SLC11A2: variants seen among roughly 807,000 people sequenced by gnomAD.
SLC11A2 encodes the protein solute carrier family 11 member 2, also known as natural resistance-associated macrophage protein 2.
In SLC11A2, 38 loss-of-function variants were observed where a neutral mutation model predicts 68.0. The observed-to-expected ratio is 0.56, with a 90% CI of 0.43 to 0.73. SLC11A2 has a LOEUF of 0.73. Ranked by LOEUF, SLC11A2 falls within the 30% of genes least tolerant of loss-of-function variation. The pLI, the probability that SLC11A2 is intolerant of heterozygous loss-of-function variation, is 0.00. For missense variants in SLC11A2, 517 were observed against 690.5 expected (o/e 0.75, Z 2.82); for synonymous variants, 242 against 250.6 (o/e 0.97, Z 0.32).
chr12:50,954,074 TC>T, the SLC11A2 span: 2 of 1,607,546 alleles, frequency 1.2e-6, no homozygotes, highest in Non-Finnish European at 1.7e-6. Context: ...ATCTAGAGAC[TC>T]CCCCTTTGTC....
At chr12:51,013,885 G>A (rs796543510) in intron 1 of SLC11A2, among the ~76,000 whole-genome samples, 2 of 151,854 alleles carry the variant, frequency 1.3e-5, no homozygotes, top group African/African-American at 4.8e-5. Context: ...GTAGTGGTGC[G>A]ATCTTGGCTC....
downstream of SLC11A2, among the ~76,000 whole-genome samples, chr12:50,982,497 C>T (rs1345119693): frequency 6.6e-6 from 1 of 152,140 alleles, no homozygotes; most frequent in Non-Finnish European, 1.5e-5. Context: ...TGTGGTGGCA[C>T]ACACCTGTAA....
At chr12:50,983,467 G>T (rs1940248606), downstream of SLC11A2, among the ~76,000 whole-genome samples, 1 of 152,106 alleles carries the variant, frequency 6.6e-6, no homozygotes, top group African/African-American at 2.4e-5. Context: ...CACTTTCTAT[G>T]GCCTTCAGCA....
upstream of SLC11A2, chr12:51,026,454 C>G: frequency 1.2e-6 from 1 of 840,282 alleles, no homozygotes; most frequent in Non-Finnish European, 1.7e-6. Flanking sequence ...GGCTGGAGTC[C>G]CTGCAGCGGC....
intron 1 of SLC11A2, among the ~76,000 whole-genome samples, chr12:51,016,005 G>A (rs1452945441): frequency 6.6e-6 from 1 of 151,436 alleles, no homozygotes; most frequent in African/African-American, 2.4e-5. Context: ...GGATGGTCTC[G>A]ATCTCCTGAC....
chr12:51,003,523 G>A (rs1373768541), intron 5 of SLC11A2, among the ~76,000 whole-genome samples: 1 of 151,110 alleles, frequency 6.6e-6, no homozygotes, highest in African/African-American at 2.4e-5. Context: ...CTGAACTCCA[G>A]CCTGGGCAAC....
the SLC11A2 span, chr12:50,954,077 C>A: frequency 6.2e-7 from 1 of 1,607,408 alleles, no homozygotes; most frequent in Non-Finnish European, 8.5e-7. Flanking sequence ...TAGAGACTCC[C>A]CCTTTGTCCC....
chr12:50,993,034 A>G lies in SLC11A2; in HGVS notation c.1078-105T>C, dbSNP rs1013928998. On this transcript the variant is annotated intron_variant, in intron 11 of 15. Transcript: ENST00000262052. ...ATTTCTCCCTTCTTTGCTATGCACCACCAACACCAAGTGCTGTGCTGCGCA... is the reference window on the plus strand; with the variant it reads ...ATTTCTCCCTTCTTTGCTATGCACCGCCAACACCAAGTGCTGTGCTGCGCA... The G allele has an allele frequency of 6.7e-6, 9 of 1,340,814 alleles. No individual in the cohort carries two copies. The Admixed American group carries it at 7.4e-5, about 11-fold the overall frequency. The allele number at this position is 1,340,814 out of a possible 1,614,324, so 83.1% of individuals were successfully genotyped here.
chr12:50,990,097 AT>A (rs1339837449), intron 15 of SLC11A2, among the ~76,000 whole-genome samples: 1 of 152,214 alleles, frequency 6.6e-6, no homozygotes, highest in Non-Finnish European at 1.5e-5. Flanking sequence ...TTCTTAAAAA[AT>A]TTTTTATAAT....
downstream of SLC11A2, among the ~76,000 whole-genome samples, chr12:50,984,627 G>A (rs549235487): frequency 6.6e-6 from 1 of 152,248 alleles, no homozygotes; most frequent in Admixed American, 6.5e-5. Flanking sequence ...ATACTTCCGG[G>A]GGCAGAGAGC....
rs1174454942 is a variant in SLC11A2 at position 50,986,124 on chromosome 12, CCT to C, written c.*2199_*2200del. 6 of 1,286,416 alleles carry C rather than the reference CCT, an allele frequency of 4.7e-6. No homozygotes were observed. The East Asian group carries it at 1.7e-4, about 36-fold the overall frequency. 79.7% of individuals were successfully genotyped at this position (1,286,416 alleles called of 1,614,324 possible). A position where few individuals can be genotyped will look rare whatever the true frequency, so the allele number is the denominator to read the frequency against. ...GGAGCCAAGAGCTCTTCCCTTTTCC[CCT>C]GTTAATTTCCAGTATAATGTAGCAG... is the stretch of plus-strand genomic sequence containing the variant. On this transcript the variant is annotated 3_prime_UTR_variant, in exon 16 of 16. Transcript: ENST00000262052.
At chr12:50,994,716 C>T in intron 10 of SLC11A2, 86 bp from the exon 11 acceptor site, 2 of 806,834 alleles carry the variant, frequency 2.5e-6, no homozygotes, top group Non-Finnish European at 2.2e-6. Flanking sequence ...ACACAATCAT[C>T]TATAAGAGGT....
At chr12:51,000,141 G>C (rs181502120) in intron 6 of SLC11A2, among the ~76,000 whole-genome samples, 172 bp downstream of exon 6, 34 of 152,284 alleles carry the variant, frequency 2.2e-4, no homozygotes, top group African/African-American at 7.9e-4. Context: ...GGAAACGGAA[G>C]ATGTAGAGTC....
At position 50,986,998 on chromosome 12, in the gene SLC11A2, A is replaced by G; in HGVS notation, c.*1327T>C. The G allele has an allele frequency of 1.6e-6, 2 of 1,285,974 alleles. No homozygotes were observed. 79.7% of individuals were successfully genotyped at this position (1,285,974 alleles called of 1,614,324 possible). A position where few individuals can be genotyped will look rare whatever the true frequency, so the allele number is the denominator to read the frequency against. Reference sequence around the variant, plus strand: ...TGTTCTCACCAAATCAATGACTATAAAACAGTTTTGATTATTTATCTCCAT... The same window carrying G: ...TGTTCTCACCAAATCAATGACTATAGAACAGTTTTGATTATTTATCTCCAT... On this transcript the variant is annotated 3_prime_UTR_variant, in exon 16 of 16. Transcript: ENST00000262052.
chr12:51,025,189 T>C (rs933615263), intron 1 of SLC11A2, among the ~76,000 whole-genome samples: 6 of 152,188 alleles, frequency 3.9e-5, no homozygotes, highest in African/African-American at 1.4e-4. Context: ...GCGGGTTCAC[T>C]GGTGATAAGT....
At chr12:51,013,203 A>G (rs149752697) in intron 1 of SLC11A2, among the ~76,000 whole-genome samples, 31 of 152,224 alleles carry the variant, frequency 2.0e-4, no homozygotes, top group Middle Eastern at 3.4e-3. Flanking sequence ...TTATGCGTCA[A>G]TCAGTTCTGA....
At chr12:51,015,567 T>A (rs1290075970) in intron 1 of SLC11A2, among the ~76,000 whole-genome samples, 1 of 151,438 alleles carries the variant, frequency 6.6e-6, no homozygotes, top group South Asian at 2.1e-4. Context: ...CAAGTCTCCA[T>A]GAAAATTTAT....
Position 51,008,578 on chromosome 12 carries a change from G to A in SLC11A2, c.81C>T (p.Ile27=), listed in dbSNP as rs1240436989. ...GAGAGGGATTACTATAGGCAGGGTTGATGTTACCAAGACTGGCAGACTCCC... is the reference window on the plus strand; with the variant it reads ...GAGAGGGATTACTATAGGCAGGGTTAATGTTACCAAGACTGGCAGACTCCC... The part of the protein sequence containing the change: ...DHGESASLGN[I]NPAYSNPSLS... Residue 27 remains isoleucine, a synonymous_variant, in exon 3 of 16, where the codon ATC becomes ATT. Coordinates refer to ENST00000262052, the MANE Select transcript of SLC11A2 (RefSeq NM_000617.3). 4.3e-6 allele frequency: 7 copies of A among 1,612,464 alleles called. No homozygotes were observed. The highest frequency in any genetic ancestry group is 1.6e-4 in the Middle Eastern group (1 of 6,082).
At position 50,986,858 on chromosome 12, in the gene SLC11A2, C is replaced by CA. The variant is rs561463670; in HGVS notation, c.*1466dup. 7.1e-5 allele frequency: 91 copies of CA among 1,287,002 alleles called. No homozygotes were observed. The highest frequency in any genetic ancestry group is 8.6e-5 in the Non-Finnish European group (85 of 988,670). The allele number at this position is 1,287,002 out of a possible 1,614,324, so 79.7% of individuals were successfully genotyped here. The stretch of plus-strand genomic sequence containing the variant: ...TCCAGTCTGCGCTTTTGACTGTGTG[C>CA]AAGTATCAGTAATAATGCTTTTGGG... On this transcript the variant is annotated 3_prime_UTR_variant, in exon 16 of 16. Transcript: ENST00000262052.
Sources: allele counts gnomAD v4.1 joint callset (sites outside exome capture counted in the v4.1 genomes callset), GRCh38; gene constraint gnomAD v4.1.1; transcripts MANE v1.5; gene names NCBI Gene and HGNC (gene_info 2026-07-23, HGNC 2026-07-21).